The following KREMEN1 variants were observed in gnomAD, a reference collection of about 807,000 sequenced individuals.
KREMEN1 encodes the protein kringle containing transmembrane protein 1.
KREMEN1 carries 30 observed loss-of-function variants against 46.5 expected under a neutral mutation model. The ratio of observed to expected loss-of-function variants is 0.65; its 90% confidence interval spans 0.48 to 0.88. The LOEUF is 0.88. Among genes scored for constraint, KREMEN1 ranks in the 40% least tolerant of loss-of-function variants. The pLI is 0.00. For synonymous variants in KREMEN1, 214 were observed against 230.6 expected (o/e 0.93, Z 0.65); for missense variants, 533 against 596.9 (o/e 0.89, Z 1.11).
At chr22:29,103,374 G>T (rs116536210) in intron 3 of KREMEN1, among the ~76,000 whole-genome samples, 2,095 of 152,276 alleles carry the variant, frequency 0.014, 43 homozygotes, top group African/African-American at 0.047. Flanking sequence ...TGTGTTATGT[G>T]TAGAGCTACA....
At position 29,144,314 on chromosome 22, in the gene KREMEN1, C is replaced by T. The variant is rs930997499; in HGVS notation, c.*2202C>T. 11 of 985,602 alleles carry T rather than the reference C, an allele frequency of 1.1e-5. No individual in the cohort carries two copies. The highest frequency in any genetic ancestry group is 8.7e-5 in the African/African-American group (5 of 57,250). 61.1% of individuals were successfully genotyped at this position (985,602 alleles called of 1,614,324 possible). On this transcript the variant is annotated 3_prime_UTR_variant, in exon 9 of 9. Coordinates refer to ENST00000400335, the MANE Select transcript of KREMEN1 (RefSeq NM_001039570.3). ...AGTGTCTGCAGGGAGAGGTGGCACTCGGCAGCCTGAGTTCAGGAGAGGTGC... is the reference window on the plus strand; with the variant it reads ...AGTGTCTGCAGGGAGAGGTGGCACTTGGCAGCCTGAGTTCAGGAGAGGTGC...
At position 29,141,946 on chromosome 22, in the gene KREMEN1, C is replaced by T. The variant is rs1410461495; in HGVS notation, c.1211C>T (p.Ser404Phe). ...AKILLHVTFK[S>F]HRVPASGDLR... is the part of the protein sequence containing the mutation. ...AAAAATATTTATCTGCTTGACAGAT[C>T]CCATCGTGTTCCTGCTTCAGGGGAC... Residue 404 changes from serine (S) to phenylalanine (F), a missense_variant and splice_region_variant, in exon 9 of 9, where the codon TCC becomes TTC. Coordinates refer to ENST00000400335, the MANE Select transcript of KREMEN1 (RefSeq NM_001039570.3). 1 of 1,593,700 alleles carries T rather than the reference C, an allele frequency of 6.3e-7. No individual in the cohort carries two copies. The highest frequency in any genetic ancestry group is 8.5e-7 in the Non-Finnish European group (1 of 1,172,236).
chr22:29,163,067 C>G (rs2039024844), intron 9 of KREMEN1, among the ~76,000 whole-genome samples: 2 of 152,058 alleles, frequency 1.3e-5, no homozygotes, highest in South Asian at 4.1e-4. Flanking sequence ...GAATCGTAAT[C>G]CCTGCTTGCC....
At chr22:29,121,898 C>T (rs1395492730) in intron 4 of KREMEN1, among the ~76,000 whole-genome samples, 4 of 151,916 alleles carry the variant, frequency 2.6e-5, no homozygotes, top group South Asian at 2.1e-4. Context: ...AACAGAAAAT[C>T]CTAAAATATT....
intron 3 of KREMEN1, among the ~76,000 whole-genome samples, chr22:29,099,708 G>A (rs1471322093): frequency 1.3e-5 from 2 of 151,816 alleles, no homozygotes; most frequent in Admixed American, 6.6e-5. Context: ...GCACCACCAC[G>A]CCCAGCTAAT....
intron 2 of KREMEN1, among the ~76,000 whole-genome samples, 193 bp downstream of exon 2, chr22:29,094,613 AC>A (rs1231820138): frequency 2.0e-4 from 21 of 103,100 alleles, no homozygotes; most frequent in African/African-American, 7.5e-4. Context: ...ACACACACAC[AC>A]AATTTACCAC....
intron 9 of KREMEN1, among the ~76,000 whole-genome samples, chr22:29,166,381 G>C (rs866178644): frequency 6.0e-4 from 91 of 152,162 alleles, no homozygotes; most frequent in Non-Finnish European, 1.2e-4. Context: ...CCTTTCCGGG[G>C]GTCACTTCTG....
chr22:29,139,318 A>C (rs1362851177), intron 7 of KREMEN1, among the ~76,000 whole-genome samples: 1 of 152,200 alleles, frequency 6.6e-6, no homozygotes, highest in Non-Finnish European at 1.5e-5. Flanking sequence ...AAAGTCATGC[A>C]GGGCCAGGTG....
At chr22:29,101,425 A>G (rs2037975235) in intron 3 of KREMEN1, among the ~76,000 whole-genome samples, 1 of 152,318 alleles carries the variant, frequency 6.6e-6, no homozygotes, top group South Asian at 2.1e-4. Flanking sequence ...TTTATTATTC[A>G]AGAAAAATTA....
intron 1 of KREMEN1, among the ~76,000 whole-genome samples, chr22:29,091,919 C>T (rs2037812075): frequency 6.6e-6 from 1 of 152,082 alleles, no homozygotes; most frequent in South Asian, 2.1e-4. Flanking sequence ...ATAGTGTGTT[C>T]ACAGAATTAA....
At chr22:29,160,828 A>C (rs1428762754) in intron 9 of KREMEN1, among the ~76,000 whole-genome samples, 1 of 152,236 alleles carries the variant, frequency 6.6e-6, no homozygotes, top group Admixed American at 6.5e-5. Context: ...TAGAAAAACA[A>C]GAACAAGCTA....
intron 1 of KREMEN1, among the ~76,000 whole-genome samples, chr22:29,086,824 C>T (rs2037736293): frequency 1.3e-5 from 2 of 152,106 alleles, no homozygotes; most frequent in Admixed American, 6.5e-5. Flanking sequence ...AGTGGCATGA[C>T]CATGGCTCAC....
intron 9 of KREMEN1, among the ~76,000 whole-genome samples, chr22:29,160,212 A>T (rs2038998489): frequency 6.6e-6 from 1 of 152,022 alleles, no homozygotes; most frequent in South Asian, 2.1e-4. Flanking sequence ...CTCTTGGACC[A>T]CAGTAGAATG....
At chr22:29,105,478 TACACAC>T (rs10642386) in intron 3 of KREMEN1, among the ~76,000 whole-genome samples, 2,858 of 146,974 alleles carry the variant, frequency 0.019, 33 homozygotes, top group African/African-American at 0.03. Context: ...CACACACACA[TACACAC>T]ACACACACAC....
intron 1 of KREMEN1, among the ~76,000 whole-genome samples, chr22:29,081,144 C>A (rs934665496): frequency 6.6e-6 from 1 of 151,960 alleles, no homozygotes; most frequent in Non-Finnish European, 1.5e-5. Context: ...CCCCACTCCC[C>A]CCGTCCTTCT....
Position 29,102,874 on chromosome 22 carries a change from G to C in KREMEN1, c.352+3921G>C, listed in dbSNP as rs112800517. Among the ~76,000 whole-genome samples the C allele has an allele frequency of 4.7e-3, 717 of 152,270 alleles. 8 individuals carry two copies. The highest frequency in any genetic ancestry group is 0.036 in the East Asian group (186 of 5,174). Reference sequence around the variant, plus strand: ...GAGAGCTCTATAGTACCTGGTTTCTGGGGATAGAGGGTGGGTGGTGTCTGG... The same window carrying C: ...GAGAGCTCTATAGTACCTGGTTTCTCGGGATAGAGGGTGGGTGGTGTCTGG... On this transcript the variant is annotated intron_variant, in intron 3 of 8. Coordinates refer to ENST00000400335, the MANE Select transcript of KREMEN1 (RefSeq NM_001039570.3).
At chr22:29,083,652 G>A (rs1489706103) in intron 1 of KREMEN1, among the ~76,000 whole-genome samples, 1 of 152,062 alleles carries the variant, frequency 6.6e-6, no homozygotes, top group African/African-American at 2.4e-5. Context: ...GCGAACATGG[G>A]GAAACCCTGT....
rs183512190 is a variant in KREMEN1, at chr22:29,152,541, C to T, written c.1416+10441C>T. Among the ~76,000 whole-genome samples, 45 of 152,290 alleles carry T rather than the reference C, an allele frequency of 3.0e-4. No individual in the cohort carries two copies. In the East Asian group the frequency reaches 8.1e-3, roughly 27 times the overall value. ...TCCTGTGAGACGGGCGAGGCCTGCCCTTCTGTGCGCTGACTTACTGGGCTG... is the reference window on the plus strand; with the variant it reads ...TCCTGTGAGACGGGCGAGGCCTGCCTTTCTGTGCGCTGACTTACTGGGCTG... On this transcript the variant is annotated intron_variant, in intron 9 of 9. Coordinates refer to the KREMEN1 transcript ENST00000327813.
intron 1 of KREMEN1, among the ~76,000 whole-genome samples, chr22:29,090,189 C>T (rs1030320340): frequency 1.6e-4 from 25 of 152,186 alleles, no homozygotes; most frequent in African/African-American, 5.5e-4. Flanking sequence ...TTCACTCATT[C>T]TCTTTTCACT....
Sources: allele counts gnomAD v4.1 joint callset (sites outside exome capture counted in the v4.1 genomes callset), GRCh38; gene constraint gnomAD v4.1.1; transcripts MANE v1.5; gene names NCBI Gene and HGNC (gene_info 2026-07-23, HGNC 2026-07-21).